Variants in DNAH11 observed in about 807,000 individuals in gnomAD.
DNAH11 encodes the protein dynein axonemal heavy chain 11.
DNAH11 carries 442 observed loss-of-function variants against 526.0 expected under a neutral mutation model. The observed-to-expected ratio is 0.84, with a 90% CI of 0.78 to 0.91. The LOEUF is 0.91. DNAH11 is among the 40% of genes least tolerant of loss of function. DNAH11 has a pLI of 0.00. For missense variants in DNAH11, 6,989 were observed against 5,448.7 expected (o/e 1.28, Z -8.90); for synonymous variants, 2,461 against 1,935.9 (o/e 1.27, Z -7.12).
At chr7:21,670,365 T>C (rs571485890) in intron 30 of DNAH11, among the ~76,000 whole-genome samples, 135 of 152,256 alleles carry the variant, frequency 8.9e-4, no homozygotes, top group African/African-American at 3.2e-3. Flanking sequence ...TATTGATTTT[T>C]AAATATTCAC....
At chr7:21,882,266 G>C (rs1783951104) in intron 75 of DNAH11, among the ~76,000 whole-genome samples, 1 of 152,144 alleles carries the variant, frequency 6.6e-6, no homozygotes, top group African/African-American at 2.4e-5. Flanking sequence ...GACCAACCGA[G>C]TCACACTGTG....
intron 57 of DNAH11, among the ~76,000 whole-genome samples, chr7:21,780,538 C>A (rs1019195752): frequency 6.6e-6 from 1 of 152,162 alleles, no homozygotes; most frequent in Non-Finnish European, 1.5e-5. Context: ...CCTATCATCA[C>A]AGATACTTTT....
intron 35 of DNAH11, among the ~76,000 whole-genome samples, chr7:21,696,471 A>G (rs909768859): frequency 6.6e-6 from 1 of 152,170 alleles, no homozygotes; most frequent in African/African-American, 2.4e-5. Flanking sequence ...AACTTTCTTG[A>G]AAAATTCTAG....
At chr7:21,597,719 A>T (rs1393153379) in intron 14 of DNAH11, among the ~76,000 whole-genome samples, 3 of 152,218 alleles carry the variant, frequency 2.0e-5, no homozygotes, top group Non-Finnish European at 4.4e-5. Context: ...CTCTCCCAAC[A>T]CATGGAGATT....
At chr7:21,863,853 G>A (rs1295970614) in intron 69 of DNAH11, among the ~76,000 whole-genome samples, 1 of 152,096 alleles carries the variant, frequency 6.6e-6, no homozygotes, top group African/African-American at 2.4e-5. Context: ...AACACCTTTT[G>A]AAGATATCTG....
At chr7:21,841,922 A>G (rs181414271) in intron 65 of DNAH11, among the ~76,000 whole-genome samples, 35 of 152,272 alleles carry the variant, frequency 2.3e-4, no homozygotes, top group Admixed American at 1.4e-3. Context: ...GTACACATTT[A>G]TTTCTCAATT....
At position 21,717,868 on chromosome 7, in the gene DNAH11, T is replaced by A; in HGVS notation, c.7077T>A (p.Asp2359Glu). The A allele has an allele frequency of 6.2e-7, 1 of 1,613,952 alleles. No homozygotes were observed. The highest frequency in any genetic ancestry group is 8.5e-7 in the Non-Finnish European group (1 of 1,179,826). ...LFDKYVPACL[D>E]KLRTSFKTIT... ...ATAAATATGTCCCTGCATGCTTGGA[T>A]AAACTGAGAACAAGCTTTAAAACCA... is the stretch of plus-strand genomic sequence containing the variant. Residue 2359 changes from aspartate to glutamate, a missense_variant, in exon 43 of 82, where the codon GAT becomes GAA. Coordinates refer to ENST00000409508, the MANE Select transcript of DNAH11 (RefSeq NM_001277115.2).
intron 49 of DNAH11, among the ~76,000 whole-genome samples, chr7:21,743,385 T>C (rs757192644): frequency 6.6e-6 from 1 of 152,248 alleles, no homozygotes; most frequent in Non-Finnish European, 1.5e-5. Flanking sequence ...ACAGTGTTTA[T>C]GTATTTGACT....
At chr7:21,580,282 T>A (rs1784260850) in intron 8 of DNAH11, among the ~76,000 whole-genome samples, 2 of 152,228 alleles carry the variant, frequency 1.3e-5, no homozygotes, top group East Asian at 1.9e-4. Context: ...AGAAGAGGGA[T>A]GTTAGGCGTG....
At position 21,619,170 on chromosome 7, in the gene DNAH11, A is replaced by T. The variant is rs376736358; in HGVS notation, c.4325A>T (p.Asp1442Val). The T allele has an allele frequency of 3.7e-6, 6 of 1,613,464 alleles. No homozygotes were observed. In the African/African-American group the frequency reaches 8.0e-5, roughly 22 times the overall value. Residue 1442 changes from aspartate (D) to valine (V), a missense_variant, in exon 24 of 82, where the codon GAT becomes GTT. By Grantham distance (152) the Asp-to-Val change is radical. Coordinates refer to ENST00000409508, the MANE Select transcript of DNAH11 (RefSeq NM_001277115.2). The part of the protein sequence containing the change: ...LLALRLHRVE[D>V]DVRRIVDKAV... Reference sequence around the variant, plus strand: ...GCACTGCGGTTACACAGAGTGGAAGATGATGTCCGAAGGATTGTGGACAAG... The same window carrying T: ...GCACTGCGGTTACACAGAGTGGAAGTTGATGTCCGAAGGATTGTGGACAAG...
At chr7:21,673,096 T>C (rs1456900215) in intron 30 of DNAH11, among the ~76,000 whole-genome samples, 1 of 152,194 alleles carries the variant, frequency 6.6e-6, no homozygotes, top group African/African-American at 2.4e-5. Flanking sequence ...AGGAAGCATT[T>C]CTATGTTTAT....
chr7:21,850,141 G>C (rs539285504), intron 66 of DNAH11, among the ~76,000 whole-genome samples: 27 of 151,776 alleles, frequency 1.8e-4, no homozygotes, highest in African/African-American at 6.5e-4. Flanking sequence ...CGGATCACAA[G>C]GTCAGGAGAT....
Position 21,816,585 on chromosome 7 carries a change from C to T in DNAH11, c.10451C>T (p.Ala3484Val). 1 of 1,613,608 alleles carries T rather than the reference C, an allele frequency of 6.2e-7. No homozygotes were observed. Among genetic ancestry groups the T allele is most frequent in the Non-Finnish European group, 8.5e-7 (1 of 1,179,770 alleles). ...PSDRMSTENA[A>V]ILTHCERWPL... ...GACAGAATGTCCACCGAAAATGCCGCTATCCTAACACACTGTGAGCGCTGG... is the reference window on the plus strand; with the variant it reads ...GACAGAATGTCCACCGAAAATGCCGTTATCCTAACACACTGTGAGCGCTGG... Residue 3484 changes from alanine (A) to valine (V), a missense_variant, in exon 64 of 82, where the codon GCT (alanine) becomes GTT (valine). Transcript: ENST00000409508.
rs773424828 is a variant in DNAH11 at position 21,617,756 on chromosome 7, C to G, written c.4233C>G (p.His1411Gln). 3.1e-6 allele frequency: 5 copies of G among 1,604,822 alleles called. No homozygotes were observed. The Admixed American group carries it at 5.2e-5, about 17-fold the overall frequency. The stretch of plus-strand genomic sequence containing the variant: ...CTGCCCTCAGGGACAGGCATTGGCA[C>G]CAGCTGATGAAAGCTATTGGGGTCA... ...QSPALRDRHW[H>Q]QLMKAIGVKF... The change falls in exon 23 of 82, where the codon CAC becomes CAG. Residue 1411 changes from histidine (H) to glutamine (Q), a missense_variant. Transcript: ENST00000409508.
Position 21,864,210 on chromosome 7 carries a change from T to A in DNAH11, c.11374-325T>A, listed in dbSNP as rs6959457. Among the ~76,000 whole-genome samples the A allele has an allele frequency of 0.54, 82,284 of 152,142 alleles. 26,768 individuals carry two copies. Among genetic ancestry groups the A allele is most frequent in the Non-Finnish European group, 0.74 (50,026 of 67,970 alleles). ...CATTGTCACTGGAGGCTTTCTCATT[T>A]TGTGTAAGTGTTAAGACAAGTTTGA... On this transcript the variant is annotated intron_variant, in intron 69 of 81. Coordinates refer to ENST00000409508, the MANE Select transcript of DNAH11 (RefSeq NM_001277115.2).
chr7:21,900,254 C>T, intron 81 of DNAH11, 134 bp downstream of exon 81: 1 of 1,043,052 alleles, frequency 9.6e-7, no homozygotes, highest in Non-Finnish European at 1.3e-6. Context: ...CTCATTTCTT[C>T]CTCTTAAATA....
intron 61 of DNAH11, among the ~76,000 whole-genome samples, chr7:21,799,471 G>A (rs1233354559): frequency 6.6e-6 from 1 of 152,072 alleles, no homozygotes; most frequent in Non-Finnish European, 1.5e-5. Flanking sequence ...CCGAGTAGCT[G>A]GGATTACAGG....
rs1361763258 is a variant in DNAH11, at chr7:21,880,820, G to A, written c.12314G>A (p.Ser4105Asn). 1.9e-6 allele frequency: 3 copies of A among 1,613,868 alleles called. No individual in the cohort carries two copies. Among genetic ancestry groups the A allele is most frequent in the Non-Finnish European group, 8.5e-7 (1 of 1,179,900 alleles). ...TTTGGCCCCCAGGGCTGGAGCCGAA[G>A]CTATCCTTTTAATCCTGGAGACCTC... ...LRFGPQGWSR[S>N]YPFNPGDLTI... The change falls in exon 75 of 82, where the codon AGC (serine) becomes AAC (asparagine). Residue 4105 changes from serine to asparagine, a missense_variant. By Grantham distance (46) the Ser-to-Asn change is conservative. Coordinates refer to ENST00000409508, the MANE Select transcript of DNAH11 (RefSeq NM_001277115.2).
chr7:21,896,985 G>A (rs941606794), intron 79 of DNAH11, among the ~76,000 whole-genome samples: 1 of 152,150 alleles, frequency 6.6e-6, no homozygotes, highest in Non-Finnish European at 1.5e-5. Flanking sequence ...AGAGGTGGTA[G>A]GATTGCTTGA....
Sources: gnomAD v4.1 joint callset for allele counts (sites outside exome capture counted in the v4.1 genomes callset) on GRCh38, gnomAD v4.1.1 for gene constraint, MANE v1.5 for transcripts, NCBI Gene and HGNC (gene_info 2026-07-23, HGNC 2026-07-21) for gene names.